ZNF804A: variants seen among roughly 807,000 people sequenced by gnomAD.
The protein encoded by ZNF804A is zinc finger protein 804A.
In ZNF804A, 2 loss-of-function variants were observed where a neutral mutation model predicts 16.5. The ratio of observed to expected loss-of-function variants is 0.12; its 90% CI spans 0.05 to 0.38. The LOEUF (loss-of-function observed/expected upper bound fraction) is 0.38. Among genes scored for constraint, ZNF804A ranks in the 10% least tolerant of loss-of-function variants. The pLI, the probability that ZNF804A is intolerant of heterozygous loss-of-function variation, is 0.99. For missense variants in ZNF804A, 1,473 were observed against 1,390.7 expected, an observed-to-expected ratio of 1.06 and a Z score of -0.94; for synonymous variants, 534 against 489.6, an observed-to-expected ratio of 1.09 and a Z score of -1.20.
At chr2:184,837,250 A>G (rs144302153) in intron 1 of ZNF804A, among the ~76,000 whole-genome samples, 47 of 152,208 alleles carry the variant, frequency 3.1e-4, no homozygotes, top group Admixed American at 5.2e-4. Flanking sequence ...TCATAAACTC[A>G]GAATCTGGTA....
intron 1 of ZNF804A, among the ~76,000 whole-genome samples, chr2:184,779,965 T>TA (rs1028117073): frequency 6.6e-6 from 1 of 151,734 alleles, no homozygotes; most frequent in Non-Finnish European, 1.5e-5. Context: ...GTCTTCATTA[T>TA]AAAAAAATTT....
chr2:184,831,662 A>C (rs571443413), intron 1 of ZNF804A, among the ~76,000 whole-genome samples: 1 of 152,076 alleles, frequency 6.6e-6, no homozygotes, highest in Admixed American at 6.6e-5. Context: ...ACACTGATTT[A>C]AATAGTCTCT....
chr2:184,823,508 A>G (rs1011742501), intron 1 of ZNF804A, among the ~76,000 whole-genome samples: 2 of 152,176 alleles, frequency 1.3e-5, no homozygotes, highest in African/African-American at 4.8e-5. Flanking sequence ...ATTGACATAC[A>G]GGATAAAACC....
chr2:184,901,160 A>T lies in ZNF804A; in HGVS notation c.256-32443A>T, dbSNP rs189807623. Among the ~76,000 whole-genome samples, 470 of 152,214 alleles carry T rather than the reference A, an allele frequency of 3.1e-3. 17 individuals are homozygous for T. The highest frequency in any genetic ancestry group is 0.019 in the East Asian group (97 of 5,168). On this transcript the variant is annotated intron_variant, in intron 2 of 3. Coordinates refer to ENST00000302277, the MANE Select transcript of ZNF804A (RefSeq NM_194250.2). The stretch of plus-strand genomic sequence containing the variant: ...TAGAATCTCTTATAAAACTATCTTA[A>T]TACCTGTTTCTTAGACCACTCTTGG...
intron 1 of ZNF804A, among the ~76,000 whole-genome samples, chr2:184,603,109 A>G (rs1691076191): frequency 1.3e-5 from 2 of 152,178 alleles, no homozygotes; most frequent in Admixed American, 6.5e-5. Flanking sequence ...TATATGAAAT[A>G]CTATGTTCCG....
In ZNF804A at chr2:184,626,223, G is replaced by T. The variant is rs539330978; in HGVS notation, c.111+27153G>T. On this transcript the variant is annotated intron_variant, in intron 1 of 3. Coordinates refer to ENST00000302277, the MANE Select transcript of ZNF804A (RefSeq NM_194250.2). Reference sequence around the variant, plus strand: ...CAGGGCAATTTTCCAATTTTTCTTTGTAATCTCTAGCCCCGGTTGTTTTGT... The same window carrying T: ...CAGGGCAATTTTCCAATTTTTCTTTTTAATCTCTAGCCCCGGTTGTTTTGT... Among the ~76,000 whole-genome samples the T allele has an allele frequency of 2.0e-5, 3 of 152,096 alleles. No homozygotes were observed. The East Asian group carries it at 5.8e-4, about 29-fold the overall frequency.
chr2:184,802,180 C>T (rs555342115), intron 1 of ZNF804A, among the ~76,000 whole-genome samples: 4 of 152,154 alleles, frequency 2.6e-5, no homozygotes, highest in African/African-American at 7.2e-5. Flanking sequence ...GGCCTTTGTC[C>T]CTAGTATGTG....
At chr2:184,662,310 C>T (rs939788377) in intron 1 of ZNF804A, among the ~76,000 whole-genome samples, 9 of 152,078 alleles carry the variant, frequency 5.9e-5, no homozygotes, top group South Asian at 2.1e-4. Flanking sequence ...ATCAGGTTTA[C>T]GAATGATGTA....
intron 1 of ZNF804A, among the ~76,000 whole-genome samples, chr2:184,629,486 A>C (rs1368047197): frequency 6.6e-6 from 1 of 152,172 alleles, no homozygotes; most frequent in Non-Finnish European, 1.5e-5. Context: ...CATTGTAATA[A>C]ACTAGATAGA....
At chr2:184,667,910 G>A (rs1267832497) in intron 1 of ZNF804A, among the ~76,000 whole-genome samples, 1 of 151,664 alleles carries the variant, frequency 6.6e-6, no homozygotes, top group African/African-American at 2.4e-5. Flanking sequence ...AAATTATTAA[G>A]TCTATTTCAA....
At chr2:184,837,908 A>G (rs1695379232) in intron 1 of ZNF804A, among the ~76,000 whole-genome samples, 1 of 152,122 alleles carries the variant, frequency 6.6e-6, no homozygotes, top group Non-Finnish European at 1.5e-5. Context: ...TATTAGCCTT[A>G]GTATGATCAC....
chr2:184,602,933 C>T (rs143690935), intron 1 of ZNF804A, among the ~76,000 whole-genome samples: 21 of 152,022 alleles, frequency 1.4e-4, no homozygotes, highest in African/African-American at 4.6e-4. Flanking sequence ...TCTGTTTGGT[C>T]GAAGGCACTT....
chr2:184,670,797 AT>A (rs1692329086), intron 1 of ZNF804A, among the ~76,000 whole-genome samples: 2 of 151,724 alleles, frequency 1.3e-5, no homozygotes, highest in South Asian at 4.2e-4. Context: ...TTTTTCTTTA[AT>A]TTTGATTATT....
At chr2:184,674,219 A>G (rs1692384980) in intron 1 of ZNF804A, among the ~76,000 whole-genome samples, 3 of 152,034 alleles carry the variant, frequency 2.0e-5, no homozygotes, top group African/African-American at 4.8e-5. Context: ...TAAATATTAC[A>G]TTGTAGAAAT....
At chr2:184,681,296 A>T (rs1692535062) in intron 1 of ZNF804A, among the ~76,000 whole-genome samples, 1 of 152,216 alleles carries the variant, frequency 6.6e-6, no homozygotes, top group Admixed American at 6.5e-5. Flanking sequence ...CCACAAAAAA[A>T]ATCCCACTAA....
chr2:184,841,122 G>A (rs1464570030), intron 1 of ZNF804A, among the ~76,000 whole-genome samples: 3 of 151,928 alleles, frequency 2.0e-5, no homozygotes, highest in Non-Finnish European at 4.4e-5. Flanking sequence ...TATCTTTCAC[G>A]TTTTTGTCAT....
At chr2:184,757,875 G>A (rs1693982887) in intron 1 of ZNF804A, among the ~76,000 whole-genome samples, 1 of 151,976 alleles carries the variant, frequency 6.6e-6, no homozygotes, top group Non-Finnish European at 1.5e-5. Flanking sequence ...TGAATAAATA[G>A]ACATTTCAGT....
chr2:184,662,169 T>A (rs977385187), intron 1 of ZNF804A, among the ~76,000 whole-genome samples: 1 of 152,232 alleles, frequency 6.6e-6, no homozygotes, highest in Non-Finnish European at 1.5e-5. Context: ...TTGGGTTGAA[T>A]GTTTTGTTCT....
At chr2:184,878,935 T>C (rs1684763227) in intron 2 of ZNF804A, among the ~76,000 whole-genome samples, 1 of 152,014 alleles carries the variant, frequency 6.6e-6, no homozygotes, top group African/African-American at 2.4e-5. Flanking sequence ...AATGGTTCAT[T>C]TATTATGCTT....
Sources: allele counts gnomAD v4.1 joint callset (sites outside exome capture counted in the v4.1 genomes callset), GRCh38; gene constraint gnomAD v4.1.1; transcripts MANE v1.5; gene names NCBI Gene and HGNC (gene_info 2026-07-23, HGNC 2026-07-21).